Variants in COG5 observed in about 807,000 individuals in gnomAD.
COG5 encodes component of oligomeric golgi complex 5.
Under a neutral mutation model 110.4 loss-of-function variants are expected in COG5, and 86 were observed. The ratio of observed to expected loss-of-function variants is 0.78; its 90% CI spans 0.65 to 0.93. The LOEUF is 0.93. Ranked by LOEUF, COG5 falls within the 40% of genes least tolerant of loss-of-function variation. The pLI is 0.00. For missense variants in COG5, 1,077 were observed against 987.0 expected, an observed-to-expected ratio of 1.09 and a Z score of -1.22; for synonymous variants, 360 against 334.6, an observed-to-expected ratio of 1.08 and a Z score of -0.83.
intron 6 of COG5, among the ~76,000 whole-genome samples, chr7:107,458,366 T>C (rs1012035773): frequency 6.6e-6 from 1 of 152,112 alleles, no homozygotes; most frequent in Non-Finnish European, 1.5e-5. Context: ...TAACTGGCTA[T>C]TTAAAACAAA....
At chr7:107,248,521 A>G in intron 16 of COG5, 22 bp from the exon 17 acceptor site, 2 of 1,509,898 alleles carry the variant, frequency 1.3e-6, no homozygotes, top group Non-Finnish European at 9.1e-7. Flanking sequence ...AAAGAAAGAA[A>G]AAAAAGAAGA....
At chr7:107,420,824 G>C (rs940274869) in intron 6 of COG5, among the ~76,000 whole-genome samples, 2 of 152,280 alleles carry the variant, frequency 1.3e-5, no homozygotes, top group African/African-American at 4.8e-5. Flanking sequence ...GCATAGAATA[G>C]CCTCAGGCTT....
At chr7:107,416,603 T>C (rs1265407838) in intron 6 of COG5, among the ~76,000 whole-genome samples, 1 of 152,172 alleles carries the variant, frequency 6.6e-6, no homozygotes, top group African/African-American at 2.4e-5. Context: ...TATTTTCCCA[T>C]TAAAAACTAC....
At chr7:107,521,606 T>G (rs1182842547) in intron 6 of COG5, among the ~76,000 whole-genome samples, 1 of 152,172 alleles carries the variant, frequency 6.6e-6, no homozygotes, top group Non-Finnish European at 1.5e-5. Flanking sequence ...CTCACGCCAA[T>G]GGCAATTACT....
In COG5 at chr7:107,540,722, T is replaced by C. The variant is rs148921070; in HGVS notation, c.417+7389A>G. Among the ~76,000 whole-genome samples, 33 of 150,800 alleles carry C rather than the reference T, an allele frequency of 2.2e-4. No individual in the cohort carries two copies. The East Asian group carries it at 5.8e-3, about 27-fold the overall frequency. On this transcript the variant is annotated intron_variant, in intron 5 of 21. Transcript: ENST00000297135. The stretch of plus-strand genomic sequence containing the variant: ...TAATCTAGGAACCCTAAACATAAAA[T>C]ACACATTTCTAATATCCAATAAAAA...
chr7:107,205,853 T>G (rs1027454244), intron 21 of COG5, among the ~76,000 whole-genome samples: 2 of 151,922 alleles, frequency 1.3e-5, no homozygotes, highest in Admixed American at 1.3e-4. Context: ...ATCCGGCACT[T>G]TGGAATCCCT....
chr7:107,501,769 CACA>C (rs1436657128), intron 6 of COG5, among the ~76,000 whole-genome samples: 3 of 152,118 alleles, frequency 2.0e-5, no homozygotes, highest in South Asian at 2.1e-4. Flanking sequence ...TGGATTTGAG[CACA>C]ACATCACCCC....
intron 6 of COG5, among the ~76,000 whole-genome samples, chr7:107,468,865 T>C (rs1318379465): frequency 6.6e-6 from 1 of 152,072 alleles, no homozygotes; most frequent in Non-Finnish European, 1.5e-5. Context: ...TAATGTCCTC[T>C]ATTTTGTCAA....
chr7:107,474,881 G>A lies in COG5; in HGVS notation c.538+52356C>T. ...CATGAGGCTACAGACATGTCACAAA[G>A]CAGTGGTGGGAGAAATGTAGTCTTT... is the stretch of plus-strand genomic sequence containing the variant. On this transcript the variant is annotated intron_variant, in intron 6 of 21. Transcript: ENST00000297135. This position sits in a 1 kb window ranked among gnomAD's most constrained non-coding sequence, Gnocchi z 5.7. The A allele has an allele frequency of 1.9e-6, 3 of 1,613,162 alleles. No individual in the cohort carries two copies. The highest frequency in any genetic ancestry group is 2.5e-6 in the Non-Finnish European group (3 of 1,179,466).
chr7:107,308,810 A>G (rs1193460172), intron 11 of COG5, among the ~76,000 whole-genome samples: 7 of 151,416 alleles, frequency 4.6e-5, no homozygotes, highest in Non-Finnish European at 1.0e-4. Context: ...ATCCCTTGCA[A>G]TTGTTATCTT....
chr7:107,560,552 T>G (rs969907702), intron 1 of COG5, among the ~76,000 whole-genome samples: 1 of 152,176 alleles, frequency 6.6e-6, no homozygotes, highest in Non-Finnish European at 1.5e-5. Flanking sequence ...AAGATGAACA[T>G]AAACTTCTGC....
intron 6 of COG5, among the ~76,000 whole-genome samples, chr7:107,518,837 C>T (rs895218446): frequency 6.6e-6 from 1 of 152,202 alleles, no homozygotes; most frequent in Non-Finnish European, 1.5e-5. Flanking sequence ...ACTCTCCATT[C>T]TAAATCAACA....
chr7:107,295,066 C>CACACACACAT (rs1366898060), intron 12 of COG5, among the ~76,000 whole-genome samples: 1 of 45,848 alleles, frequency 2.2e-5, no homozygotes, highest in Non-Finnish European at 3.8e-5. Flanking sequence ...CACACACACA[C>CACACACACAT]ATATATATAT....
intron 14 of COG5, 68 bp from the exon 15 acceptor site, chr7:107,258,451 C>T (rs1323661606): frequency 1.3e-6 from 1 of 795,702 alleles, no homozygotes; most frequent in Non-Finnish European, 2.2e-6. Flanking sequence ...CTCTCTCTCT[C>T]ACACACACAC....
intron 6 of COG5, among the ~76,000 whole-genome samples, chr7:107,467,803 G>A (rs1448747035): frequency 6.6e-6 from 1 of 152,104 alleles, no homozygotes; most frequent in Non-Finnish European, 1.5e-5. Flanking sequence ...TTTTAAAAAG[G>A]AAATAAAATT....
rs565667603 is a variant in COG5, at chr7:107,352,839, C to T, written c.1026+9194G>A. On this transcript the variant is annotated intron_variant, in intron 10 of 21. Transcript: ENST00000297135. ...TCTGTTTAATGATAAAAACTTCTGG[C>T]TTAGAAAATCAAAGTATCATATCTA... Among the ~76,000 whole-genome samples, 489 of 152,284 alleles carry T rather than the reference C, an allele frequency of 3.2e-3. 8 individuals are homozygous for T. Among genetic ancestry groups the T allele is most frequent in the Non-Finnish European group, 4.4e-3 (299 of 68,020 alleles).
chr7:107,417,046 C>G (rs145105383), intron 6 of COG5, among the ~76,000 whole-genome samples: 10 of 152,214 alleles, frequency 6.6e-5, no homozygotes, highest in Admixed American at 2.0e-4. Flanking sequence ...AACAGAAAAA[C>G]AGCATATATC....
intron 6 of COG5, among the ~76,000 whole-genome samples, chr7:107,469,787 T>A (rs1796521559): frequency 6.6e-6 from 1 of 150,838 alleles, no homozygotes. Flanking sequence ...CCTCCCTGCA[T>A]TTTTTTTTAA....
At position 107,558,069 on chromosome 7, in the gene COG5, A is replaced by C; in HGVS notation, c.141T>G (p.Tyr47Ter). ...FLNEDFDVKT[Y>*]TSQSIHQAVI... is the part of the protein sequence containing the mutation. ...CAGCTTGATGAATAGATTGAGAAGT[A>C]TAAGTCTTTACATCAAAGTCTTCGT... The change falls in exon 2 of 22, where the codon TAT becomes TAG. Residue 47 changes from tyrosine to a stop codon, truncating the protein, a stop_gained. Transcript: ENST00000297135. LOFTEE classifies it high-confidence loss of function. The C allele has an allele frequency of 6.2e-7, 1 of 1,613,956 alleles. No individual in the cohort carries two copies. Among genetic ancestry groups the C allele is most frequent in the Non-Finnish European group, 8.5e-7 (1 of 1,179,884 alleles).
Sources: gnomAD v4.1 joint callset for allele counts (sites outside exome capture counted in the v4.1 genomes callset) on GRCh38, gnomAD v4.1.1 for gene constraint, Gnocchi (gnomAD v3.1) non-coding constraint, MANE v1.5 for transcripts, NCBI Gene and HGNC (gene_info 2026-07-23, HGNC 2026-07-21) for gene names.